ANK1: variants seen among roughly 807,000 people sequenced by gnomAD.
ANK1 encodes ankyrin-1.
In ANK1, 51 loss-of-function variants were observed where a neutral mutation model predicts 210.4. That is an observed-to-expected ratio of 0.24 (90% confidence interval 0.19 to 0.31). The LOEUF is 0.31. ANK1 is among the 10% of genes least tolerant of loss of function. The pLI, the probability that ANK1 is intolerant of heterozygous loss-of-function variation, is 1.00. For missense variants in ANK1, 2,051 were observed against 2,504.4 expected, an observed-to-expected ratio of 0.82 and a Z score of 3.86; for synonymous variants, 967 against 1,025.9, an observed-to-expected ratio of 0.94 and a Z score of 1.10.
intron 6 of ANK1, 118 bp downstream of exon 6, chr8:41,725,643 C>T: frequency 4.3e-6 from 6 of 1,395,872 alleles, no homozygotes; most frequent in Middle Eastern, 2.5e-4. Context: ...GCGCTCAGTG[C>T]GCACTGCCCG....
chr8:41,764,680 T>A (rs1044474794), intron 1 of ANK1, among the ~76,000 whole-genome samples: 26 of 152,140 alleles, frequency 1.7e-4, no homozygotes, highest in Non-Finnish European at 1.2e-4. Flanking sequence ...CCCCTCCTCA[T>A]CTCTAGCTTC....
At chr8:41,698,709 G>A (rs1292813410) in intron 23 of ANK1, among the ~76,000 whole-genome samples, 3 of 152,138 alleles carry the variant, frequency 2.0e-5, no homozygotes, top group Non-Finnish European at 4.4e-5. Flanking sequence ...ATCTCCCCTG[G>A]CTTGTACCTA....
chr8:41,836,112 G>A (rs1807646255), intron 1 of ANK1, among the ~76,000 whole-genome samples: 1 of 152,238 alleles, frequency 6.6e-6, no homozygotes, highest in Non-Finnish European at 1.5e-5. Context: ...AGCTGTCAGA[G>A]GCCCCAGCAA....
intron 6 of ANK1, 33 bp from the exon 7 acceptor site, chr8:41,724,587 T>C (rs1830201519): frequency 1.9e-6 from 3 of 1,545,496 alleles, no homozygotes; most frequent in East Asian, 4.8e-5. Flanking sequence ...AAACTTGTTA[T>C]ATGTGATTTA....
At chr8:41,773,792 T>G (rs1843451743) in intron 1 of ANK1, among the ~76,000 whole-genome samples, 1 of 152,060 alleles carries the variant, frequency 6.6e-6, no homozygotes, top group African/African-American at 2.4e-5. Flanking sequence ...AAGGAAAGTC[T>G]AAGTTCCCCA....
intron 1 of ANK1, among the ~76,000 whole-genome samples, chr8:41,847,714 C>T (rs970680666): frequency 1.1e-4 from 16 of 152,256 alleles, no homozygotes; most frequent in Admixed American, 2.0e-4. Context: ...CATTACAGAG[C>T]GGCATTCTTG....
At position 41,714,181 on chromosome 8, in the gene ANK1, C is replaced by A. The variant is rs756073692; in HGVS notation, c.1775G>T (p.Gly592Val). The A allele has an allele frequency of 6.9e-7, 1 of 1,457,754 alleles. No individual in the cohort carries two copies. Among genetic ancestry groups the A allele is most frequent in the Non-Finnish European group, 9.2e-7 (1 of 1,088,872 alleles). 90.3% of individuals were successfully genotyped at this position (1,457,754 alleles called of 1,614,324 possible). A position where few individuals can be genotyped will look rare whatever the true frequency, so the allele number is the denominator to read the frequency against. ...CCAGGCAGGGCTGTGCGGGGAGCCG[C>A]CCCGGGGAAGCAGCAGCTTGACGAT... ...LDIVKLLLPR[G>V]GSPHSPAWNG... Residue 592 changes from glycine to valine, a missense_variant, in exon 16 of 43, where the codon GGC becomes GTC. Transcript: ENST00000289734.
At chr8:41,783,279 C>T (rs764340047) in intron 1 of ANK1, among the ~76,000 whole-genome samples, 3 of 152,214 alleles carry the variant, frequency 2.0e-5, no homozygotes, top group South Asian at 4.1e-4. Context: ...AAATTATCCA[C>T]AAGACTCTGA....
intron 1 of ANK1, among the ~76,000 whole-genome samples, chr8:41,863,528 G>A (rs1232203090): frequency 1.3e-5 from 2 of 152,112 alleles, no homozygotes; most frequent in Non-Finnish European, 2.9e-5. Flanking sequence ...AGGCATCTTT[G>A]GCATGTAAAT....
intron 2 of ANK1, among the ~76,000 whole-genome samples, chr8:41,741,496 C>T (rs1426566494): frequency 1.3e-5 from 2 of 151,688 alleles, no homozygotes; most frequent in African/African-American, 2.4e-5. Flanking sequence ...GGGAGGATCC[C>T]TTGAGCCCAG....
intron 39 of ANK1, among the ~76,000 whole-genome samples, chr8:41,664,424 A>G (rs55765355): frequency 0.14 from 21,684 of 152,230 alleles, 1,892 homozygotes; most frequent in Middle Eastern, 0.31. Flanking sequence ...CCCAGGTTAC[A>G]GTGAGCCATG....
rs142348107 is a variant in ANK1 at position 41,842,492 on chromosome 8, C to CA, written c.126+53862dup. ...CAGGCAACAGAGCGAGACTCTATCTCAAAAAAAAAAAAAAATTTTTGGAAT... is the reference window on the plus strand; with the variant it reads ...CAGGCAACAGAGCGAGACTCTATCTCAAAAAAAAAAAAAAAATTTTTGGAAT... On this transcript the variant is annotated intron_variant, in intron 1 of 42. Transcript: ENST00000265709. 1.3e-3 allele frequency among the ~76,000 whole-genome samples: 182 copies of CA among 139,874 alleles called. 1 individual carries two copies. The highest frequency in any genetic ancestry group is 7.3e-3 in the Middle Eastern group (2 of 274). 91.8% of individuals were successfully genotyped at this position (139,874 alleles called of 152,430 possible). A position where few individuals can be genotyped will look rare whatever the true frequency, so the allele number is the denominator to read the frequency against.
intron 1 of ANK1, among the ~76,000 whole-genome samples, chr8:41,827,954 A>C (rs971088039): frequency 1.3e-5 from 2 of 152,070 alleles, no homozygotes; most frequent in African/African-American, 4.8e-5. Context: ...GCATACACAG[A>C]TACACACCGC....
At chr8:41,803,738 C>T (rs1408293490) in intron 1 of ANK1, among the ~76,000 whole-genome samples, 1 of 151,948 alleles carries the variant, frequency 6.6e-6, no homozygotes, top group East Asian at 1.9e-4. Context: ...AGCTTCTAGT[C>T]TCAGTTTATT....
Position 41,734,035 on chromosome 8 carries a change from T to A in ANK1, c.164A>T (p.Glu55Val). ...TTCAACCACCATTTTCACATGGCCTTCCTTAGAAGCCAGATGCAAGCCATT... is the reference window on the plus strand; with the variant it reads ...TTCAACCACCATTTTCACATGGCCTACCTTAGAAGCCAGATGCAAGCCATT... The part of the protein sequence containing the change: ...GLNGLHLASK[E>V]GHVKMVVELL... Residue 55 changes from glutamate (E) to valine (V), a missense_variant, in exon 3 of 43, where the codon GAA becomes GTA. Coordinates refer to ENST00000289734, the MANE Select transcript of ANK1 (RefSeq NM_000037.4). 1 of 1,614,246 alleles carries A rather than the reference T, an allele frequency of 6.2e-7. No homozygotes were observed. The highest frequency in any genetic ancestry group is 8.5e-7 in the Non-Finnish European group (1 of 1,180,042).
intron 32 of ANK1, 30 bp downstream of exon 32, chr8:41,690,444 G>C: frequency 1.2e-6 from 2 of 1,614,220 alleles, no homozygotes; most frequent in Non-Finnish European, 1.7e-6. Flanking sequence ...TCTAGACCCA[G>C]AGGAGAACTC....
intron 2 of ANK1, among the ~76,000 whole-genome samples, chr8:41,740,161 G>T (rs146838694): frequency 9.7e-5 from 7 of 72,372 alleles, no homozygotes; most frequent in Non-Finnish European, 1.3e-4. Flanking sequence ...GTTTGTTTTT[G>T]ATTTTTTTTT....
chr8:41,838,196 T>C (rs1808148154), intron 1 of ANK1, among the ~76,000 whole-genome samples: 1 of 152,206 alleles, frequency 6.6e-6, no homozygotes, highest in Non-Finnish European at 1.5e-5. Context: ...ACTATTGTTA[T>C]CCTTTTTTAC....
chr8:41,706,583 A>G (rs1164547031), intron 17 of ANK1, among the ~76,000 whole-genome samples: 2 of 152,256 alleles, frequency 1.3e-5, no homozygotes, highest in Non-Finnish European at 1.5e-5. Context: ...CCACGGGCCC[A>G]TAGTTTGCTG....
Sources: gnomAD v4.1 joint callset for allele counts (sites outside exome capture counted in the v4.1 genomes callset) on GRCh38, gnomAD v4.1.1 for gene constraint, MANE v1.5 for transcripts, NCBI Gene and HGNC (gene_info 2026-07-23, HGNC 2026-07-21) for gene names.